RBFOX1: variants seen among roughly 807,000 people sequenced by gnomAD.
RBFOX1 encodes RNA binding fox-1 homolog 1.
In RBFOX1, 8 loss-of-function variants were observed where a neutral mutation model predicts 57.7. The ratio of observed to expected loss-of-function variants is 0.14; its 90% CI spans 0.08 to 0.25. The LOEUF (loss-of-function observed/expected upper bound fraction) is 0.25, where lower values mean the gene tolerates loss of function less well. Ranked by LOEUF, RBFOX1 falls within the 10% of genes least tolerant of loss-of-function variation. The pLI, the probability that RBFOX1 is intolerant of heterozygous loss-of-function variation, is 1.00. For missense variants in RBFOX1, 611 were observed against 548.5 expected, an observed-to-expected ratio of 1.11 and a Z score of -1.14; for synonymous variants, 326 against 222.4, an observed-to-expected ratio of 1.47 and a Z score of -4.15.
chr16:6,080,657 G>T (rs992502337), intron 1 of RBFOX1, among the ~76,000 whole-genome samples: 1 of 152,138 alleles, frequency 6.6e-6, no homozygotes, highest in African/African-American at 2.4e-5. Context: ...ATGAACAGGG[G>T]TATATATTTT....
intron 2 of RBFOX1, among the ~76,000 whole-genome samples, chr16:6,497,332 G>T (rs1270200613): frequency 5.9e-5 from 9 of 152,100 alleles, no homozygotes; most frequent in Non-Finnish European, 1.3e-4. Flanking sequence ...TTGTTGAGAT[G>T]TGACATTGAC....
chr16:6,414,491 A>T (rs972150064), intron 2 of RBFOX1, among the ~76,000 whole-genome samples: 2 of 152,240 alleles, frequency 1.3e-5, no homozygotes, highest in African/African-American at 4.8e-5. Flanking sequence ...AGAGAGGCAG[A>T]TATTAATAAG....
In RBFOX1 at chr16:6,780,139, TTATATATATTTA is replaced by T. The variant is rs1317667785; in HGVS notation, c.-16+125507_-16+125518del. 4.4e-4 allele frequency among the ~76,000 whole-genome samples: 19 copies of T among 43,414 alleles called. 2 individuals carry two copies. The highest frequency in any genetic ancestry group is 2.9e-3 in the African/African-American group (17 of 5,930). The allele number at this position is 43,414 out of a possible 152,430, so 28.5% of individuals were successfully genotyped here. On this transcript the variant is annotated intron_variant, in intron 3 of 15. Transcript: ENST00000550418. ...TATATTTATATATATATTTATATAT[TTATATATATTTA>T]TATATATATTTATATATTTTTATAT...
At chr16:6,478,304 C>G (rs2095306167) in intron 2 of RBFOX1, among the ~76,000 whole-genome samples, 1 of 140,968 alleles carries the variant, frequency 7.1e-6, no homozygotes, top group Non-Finnish European at 1.5e-5. Flanking sequence ...CTTACTGCAA[C>G]CTCCGCCTCC....
intron 3 of RBFOX1, among the ~76,000 whole-genome samples, chr16:6,932,452 C>A (rs935508363): frequency 5.3e-5 from 8 of 152,154 alleles, no homozygotes; most frequent in Admixed American, 4.6e-4. Context: ...ATTACATTGG[C>A]AGTTACATTT....
At chr16:6,119,348 T>C (rs1950474442) in intron 1 of RBFOX1, among the ~76,000 whole-genome samples, 1 of 152,200 alleles carries the variant, frequency 6.6e-6, no homozygotes, top group African/African-American at 2.4e-5. Flanking sequence ...AAAAGTGATG[T>C]GTCCTTAGCA....
chr16:6,005,841 G>A (rs1390425550), intron 4 of RBFOX1, among the ~76,000 whole-genome samples: 2 of 152,174 alleles, frequency 1.3e-5, no homozygotes, highest in Non-Finnish European at 2.9e-5. Context: ...CTTGAGTCAG[G>A]TATATGGCTC....
intron 3 of RBFOX1, among the ~76,000 whole-genome samples, chr16:7,008,671 C>T (rs539709933): frequency 7.7e-3 from 32 of 4,158 alleles, no homozygotes; most frequent in South Asian, 0.033. Flanking sequence ...CTCCCTCCCT[C>T]CCTTCCTCCT....
intron 4 of RBFOX1, among the ~76,000 whole-genome samples, chr16:7,201,071 C>T (rs1379846963): frequency 6.6e-6 from 1 of 152,094 alleles, no homozygotes; most frequent in Non-Finnish European, 1.5e-5. Flanking sequence ...GTGTGGGAAT[C>T]ACAAATATAA....
At chr16:7,439,750 A>C (rs2098751219) in intron 4 of RBFOX1, among the ~76,000 whole-genome samples, 1 of 152,092 alleles carries the variant, frequency 6.6e-6, no homozygotes, top group Non-Finnish European at 1.5e-5. Context: ...CCTCATGCAT[A>C]TTCTTTCCTG....
chr16:6,711,591 G>C (rs1280522014), intron 3 of RBFOX1, among the ~76,000 whole-genome samples: 2 of 152,194 alleles, frequency 1.3e-5, no homozygotes, highest in African/African-American at 4.8e-5. Context: ...CACCATGTAA[G>C]ACATGCCTTA....
intron 3 of RBFOX1, among the ~76,000 whole-genome samples, chr16:7,022,889 G>A (rs1053082843): frequency 1.3e-5 from 2 of 152,178 alleles, no homozygotes; most frequent in African/African-American, 4.8e-5. Context: ...CTAGAATGCT[G>A]CAGAACTAGG....
intron 4 of RBFOX1, among the ~76,000 whole-genome samples, chr16:7,501,211 A>G (rs192221145): frequency 6.6e-6 from 1 of 152,214 alleles, no homozygotes; most frequent in Non-Finnish European, 1.5e-5. Context: ...CTATTTACCT[A>G]AAGTGACTAC....
intron 1 of RBFOX1, chr16:6,037,122 G>A (rs1290118034): frequency 6.6e-6 from 1 of 152,154 alleles, no homozygotes; most frequent in Non-Finnish European, 1.5e-5. Flanking sequence ...GCATTTATTT[G>A]AGTCACAATC....
At chr16:5,901,264 G>C (rs936340039) in intron 4 of RBFOX1, among the ~76,000 whole-genome samples, 1 of 152,130 alleles carries the variant, frequency 6.6e-6, no homozygotes, top group Non-Finnish European at 1.5e-5. Context: ...GTTTTAGGCA[G>C]GTCCTAATCG....
At chr16:7,375,855 C>T (rs148074138) in intron 4 of RBFOX1, among the ~76,000 whole-genome samples, 2 of 152,230 alleles carry the variant, frequency 1.3e-5, no homozygotes, top group South Asian at 4.1e-4. Flanking sequence ...TTTGGTACTA[C>T]TTGGGAAAAG....
chr16:7,166,547 G>A (rs2079544642), intron 4 of RBFOX1, among the ~76,000 whole-genome samples: 1 of 152,164 alleles, frequency 6.6e-6, no homozygotes, highest in South Asian at 2.1e-4. Context: ...TAGAGCTGAG[G>A]TGGCCAGAGC....
intron 4 of RBFOX1, among the ~76,000 whole-genome samples, chr16:7,175,561 G>T (rs1247233043): frequency 2.6e-5 from 4 of 152,106 alleles, no homozygotes; most frequent in African/African-American, 9.7e-5. Context: ...GGCACATAGG[G>T]CTCATAGGCA....
At chr16:6,847,111 A>G (rs1161408017) in intron 3 of RBFOX1, among the ~76,000 whole-genome samples, 2 of 152,064 alleles carry the variant, frequency 1.3e-5, no homozygotes, top group Admixed American at 6.5e-5. Flanking sequence ...GCCTCAGTCA[A>G]CCCTGCTCAG....
Sources: allele counts gnomAD v4.1 joint callset (sites outside exome capture counted in the v4.1 genomes callset), GRCh38; gene constraint gnomAD v4.1.1; transcripts MANE v1.5; gene names NCBI Gene and HGNC (gene_info 2026-07-23, HGNC 2026-07-21).